Variants in CNTN3 observed in about 807,000 individuals in gnomAD.
CNTN3 encodes contactin 3, also known as contactin-3.
CNTN3 carries 60 observed loss-of-function variants against 119.1 expected under a neutral mutation model. That is an observed-to-expected ratio of 0.50 (90% CI 0.41 to 0.62). The LOEUF (loss-of-function observed/expected upper bound fraction) is 0.62. Among genes scored for constraint, CNTN3 ranks in the 20% least tolerant of loss-of-function variants. CNTN3 has a pLI of 0.00. For missense variants in CNTN3, 1,101 were observed against 1,242.4 expected (o/e 0.89, Z 1.71); for synonymous variants, 450 against 438.7 (o/e 1.03, Z -0.32).
intron 1 of CNTN3, among the ~76,000 whole-genome samples, chr3:74,600,130 T>A (rs1177180092): frequency 6.6e-6 from 1 of 151,072 alleles, no homozygotes; most frequent in East Asian, 2.0e-4. Context: ...ATAAGAAGAG[T>A]GGGACAATCA....
At chr3:74,516,051 A>T (rs1703445251) in intron 2 of CNTN3, among the ~76,000 whole-genome samples, 1 of 151,946 alleles carries the variant, frequency 6.6e-6, no homozygotes. Context: ...TGTACAACAC[A>T]CCATACAGAT....
chr3:74,303,431 G>A (rs1702498068), intron 13 of CNTN3, among the ~76,000 whole-genome samples: 1 of 152,170 alleles, frequency 6.6e-6, no homozygotes. Context: ...GGTGGCTCAA[G>A]TCTGTAATCC....
intron 4 of CNTN3, among the ~76,000 whole-genome samples, chr3:74,484,853 C>T (rs527411923): frequency 2.6e-5 from 4 of 152,172 alleles, no homozygotes; most frequent in African/African-American, 9.6e-5. Flanking sequence ...CAAATGATGT[C>T]CTCACTTTCA....
At chr3:74,484,315 C>G (rs1431475201) in intron 4 of CNTN3, among the ~76,000 whole-genome samples, 2 of 151,964 alleles carry the variant, frequency 1.3e-5, no homozygotes, top group African/African-American at 4.8e-5. Context: ...CCTCTAAGAT[C>G]ATAAATAGCA....
intron 1 of CNTN3, among the ~76,000 whole-genome samples, chr3:74,577,697 AT>A (rs1298963142): frequency 1.3e-5 from 2 of 152,128 alleles, no homozygotes; most frequent in African/African-American, 4.8e-5. Flanking sequence ...ATCTCAAAAA[AT>A]AATCATGATA....
At chr3:74,269,984 A>G (rs1412292665) in intron 20 of CNTN3, among the ~76,000 whole-genome samples, 1 of 152,156 alleles carries the variant, frequency 6.6e-6, no homozygotes, top group Non-Finnish European at 1.5e-5. Flanking sequence ...ATGTTTTTAA[A>G]TGTTTAGTAT....
chr3:74,541,339 G>A (rs553062530), intron 1 of CNTN3, among the ~76,000 whole-genome samples: 11 of 152,092 alleles, frequency 7.2e-5, no homozygotes, highest in African/African-American at 2.7e-4. Context: ...AACATAAACC[G>A]ATGTCCTTCA....
At chr3:74,457,301 T>A (rs951360553) in intron 4 of CNTN3, among the ~76,000 whole-genome samples, 13 of 152,156 alleles carry the variant, frequency 8.5e-5, no homozygotes, top group African/African-American at 3.1e-4. Context: ...TAACTTGCCA[T>A]CAAAAAATGA....
chr3:74,383,289 T>C (rs1447817604), intron 5 of CNTN3, among the ~76,000 whole-genome samples: 2 of 152,158 alleles, frequency 1.3e-5, no homozygotes, highest in East Asian at 3.9e-4. Flanking sequence ...TTTCTCCCTA[T>C]TATATTTTTC....
chr3:74,560,593 A>C (rs2107173257), intron 1 of CNTN3, among the ~76,000 whole-genome samples: 1 of 152,290 alleles, frequency 6.6e-6, no homozygotes. Flanking sequence ...AAACTAGTAC[A>C]ACCATTGTGG....
At chr3:74,292,052 G>A (rs1158671518) in intron 19 of CNTN3, among the ~76,000 whole-genome samples, 1 of 152,088 alleles carries the variant, frequency 6.6e-6, no homozygotes, top group Non-Finnish European at 1.5e-5. Flanking sequence ...CAAGAAACAC[G>A]GAACAATCTG....
chr3:74,531,966 AT>A (rs1404589347), intron 1 of CNTN3, among the ~76,000 whole-genome samples: 2 of 151,988 alleles, frequency 1.3e-5, no homozygotes, highest in Non-Finnish European at 2.9e-5. Flanking sequence ...ATTTAATGGC[AT>A]GTAAACTTTA....
intron 13 of CNTN3, among the ~76,000 whole-genome samples, chr3:74,319,185 C>CA (rs1702916364): frequency 1.3e-5 from 2 of 152,062 alleles, no homozygotes; most frequent in African/African-American, 4.8e-5. Context: ...CATATGGAAC[C>CA]AAAAAAGAGC....
intron 2 of CNTN3, among the ~76,000 whole-genome samples, chr3:74,512,317 C>G (rs1379672545): frequency 1.3e-5 from 2 of 151,896 alleles, no homozygotes; most frequent in Non-Finnish European, 2.9e-5. Context: ...AATACTGGTA[C>G]CTGTGTTCAG....
At chr3:74,569,713 C>T (rs10212428) in intron 1 of CNTN3, among the ~76,000 whole-genome samples, 6 of 152,242 alleles carry the variant, frequency 3.9e-5, no homozygotes, top group East Asian at 1.9e-4. Flanking sequence ...TATTTTCACA[C>T]GGTTTGCATG....
chr3:74,603,691 T>C (rs987264936), intron 1 of CNTN3, among the ~76,000 whole-genome samples: 1 of 152,076 alleles, frequency 6.6e-6, no homozygotes, highest in Non-Finnish European at 1.5e-5. Flanking sequence ...TGGAAAGATA[T>C]CCTACGTTTA....
intron 19 of CNTN3, among the ~76,000 whole-genome samples, 174 bp from the exon 20 acceptor site, chr3:74,285,665 T>C (rs526555): frequency 0.11 from 17,094 of 150,940 alleles, 1,008 homozygotes; most frequent in East Asian, 0.15. Context: ...GCAGTGAAGA[T>C]AGAGAAAAGG....
At chr3:74,298,601 G>GAAAAAA (rs397839322) in intron 17 of CNTN3, among the ~76,000 whole-genome samples, 14 of 141,544 alleles carry the variant, frequency 9.9e-5, no homozygotes, top group African/African-American at 2.6e-4. Context: ...AGTAAAACTG[G>GAAAAAA]AAAAAAAAAA....
At chr3:74,437,370 G>A (rs1160215607) in intron 4 of CNTN3, among the ~76,000 whole-genome samples, 1 of 152,008 alleles carries the variant, frequency 6.6e-6, no homozygotes, top group Admixed American at 6.6e-5. Flanking sequence ...GCTGAGGCAG[G>A]AGAATGGCGT....
Sources: allele counts gnomAD v4.1 joint callset (sites outside exome capture counted in the v4.1 genomes callset), GRCh38; gene constraint gnomAD v4.1.1; transcripts MANE v1.5; gene names NCBI Gene and HGNC (gene_info 2026-07-23, HGNC 2026-07-21).